DIP2B: variants seen among roughly 807,000 people sequenced by gnomAD.
DIP2B encodes disco-interacting protein 2 homolog B.
Under a neutral mutation model 198.0 loss-of-function variants are expected in DIP2B, and 76 were observed. That is an observed-to-expected ratio of 0.38 (90% CI 0.32 to 0.46). The LOEUF is 0.46. Ranked by LOEUF, DIP2B falls within the 20% of genes least tolerant of loss-of-function variation. The probability of loss-of-function intolerance (pLI) is 0.99; values close to 1 mark genes in which losing one functional copy is unlikely to be tolerated. For missense variants in DIP2B, 1,559 were observed against 1,978.4 expected (o/e 0.79, Z 4.02); for synonymous variants, 701 against 739.1 (o/e 0.95, Z 0.84).
At chr12:50,591,714 C>T (rs936275885) in intron 1 of DIP2B, among the ~76,000 whole-genome samples, 1 of 151,936 alleles carries the variant, frequency 6.6e-6, no homozygotes, top group African/African-American at 2.4e-5. Flanking sequence ...CCCACCTGGG[C>T]CTCCCAAAGT....
In DIP2B at chr12:50,595,927, G is replaced by T. The variant is rs895255292; in HGVS notation, c.101-30049G>T. 3.3e-5 allele frequency among the ~76,000 whole-genome samples: 5 copies of T among 152,162 alleles called. No homozygotes were observed. The South Asian group carries it at 8.3e-4, about 25-fold the overall frequency. The stretch of plus-strand genomic sequence containing the variant: ...TTGCCTTATCACCCTCAAGGAGTAG[G>T]ATTTCTTTGTACCTTTGTGATCTCC... On this transcript the variant is annotated intron_variant, in intron 1 of 37. Transcript: ENST00000301180.
At chr12:50,534,154 G>C (rs140809271) in intron 1 of DIP2B, among the ~76,000 whole-genome samples, 1 of 152,164 alleles carries the variant, frequency 6.6e-6, no homozygotes, top group East Asian at 1.9e-4. Flanking sequence ...AATAAAATAT[G>C]ACTTTATCAG....
At chr12:50,648,558 T>G (rs1428205309) in intron 3 of DIP2B, among the ~76,000 whole-genome samples, 1 of 152,062 alleles carries the variant, frequency 6.6e-6, no homozygotes, top group Non-Finnish European at 1.5e-5. Flanking sequence ...AGAGACGGGT[T>G]TTCACTGTGT....
chr12:50,686,108 A>G, intron 11 of DIP2B, 152 bp downstream of exon 11: 1 of 844,838 alleles, frequency 1.2e-6, no homozygotes. Context: ...TCCCCATTTT[A>G]CAAGTGAGGA....
At chr12:50,553,328 A>G (rs1958443006) in intron 1 of DIP2B, among the ~76,000 whole-genome samples, 1 of 152,130 alleles carries the variant, frequency 6.6e-6, no homozygotes, top group Non-Finnish European at 1.5e-5. Context: ...CTCTCCCAGT[A>G]TGTTGAAGTA....
At chr12:50,550,016 G>A (rs778717403) in intron 1 of DIP2B, among the ~76,000 whole-genome samples, 4 of 151,926 alleles carry the variant, frequency 2.6e-5, no homozygotes, top group Non-Finnish European at 5.9e-5. Flanking sequence ...TGATTTTCTA[G>A]GAGCTCTGGG....
intron 26 of DIP2B, among the ~76,000 whole-genome samples, chr12:50,722,253 GTTTATTTTATTTTAT>G (rs147287033): frequency 0.24 from 35,015 of 142,948 alleles, 4,777 homozygotes; most frequent in Non-Finnish European, 0.31. Context: ...TTGTTTGTTT[GTTTATTTTATTTTAT>G]TTTATTTTAT....
intron 1 of DIP2B, among the ~76,000 whole-genome samples, chr12:50,590,200 T>C (rs913619121): frequency 6.6e-6 from 1 of 151,880 alleles, no homozygotes; most frequent in Non-Finnish European, 1.5e-5. Flanking sequence ...GATCCCACTA[T>C]GTTGCCCAGG....
intron 1 of DIP2B, among the ~76,000 whole-genome samples, chr12:50,601,994 A>C (rs1958940950): frequency 6.6e-6 from 1 of 152,120 alleles, no homozygotes; most frequent in African/African-American, 2.4e-5. Context: ...GAGAGCAAAA[A>C]TTCTTTCTCA....
At position 50,695,802 on chromosome 12, in the gene DIP2B, C is replaced by T. The variant is rs752855138; in HGVS notation, c.1814-46C>T. ...TTTTATTGTGGTGTATTACATATGT[C>T]CCAAATTTATTGTGTATGTTAACTT... is the stretch of plus-strand genomic sequence containing the variant. On this transcript the variant is annotated intron_variant, in intron 15 of 37. Transcript: ENST00000301180. 60 of 1,607,578 alleles carry T rather than the reference C, an allele frequency of 3.7e-5. 1 individual carries two copies. In the Admixed American group the frequency reaches 1.0e-3, roughly 27 times the overall value.
chr12:50,629,468 C>T (rs1001103167), intron 2 of DIP2B, among the ~76,000 whole-genome samples: 2 of 152,174 alleles, frequency 1.3e-5, no homozygotes, highest in Admixed American at 1.3e-4. Context: ...TAATGTTGAG[C>T]TTGGTGGTCC....
chr12:50,707,312 G>A (rs1939531180), intron 21 of DIP2B, among the ~76,000 whole-genome samples: 2 of 152,200 alleles, frequency 1.3e-5, no homozygotes, highest in African/African-American at 2.4e-5. Context: ...TTTCTGAAAT[G>A]TATAGTTTTT....
At chr12:50,586,924 C>G (rs1392071696) in intron 1 of DIP2B, among the ~76,000 whole-genome samples, 1 of 151,980 alleles carries the variant, frequency 6.6e-6, no homozygotes, top group African/African-American at 2.4e-5. Flanking sequence ...CAAAATTTGC[C>G]CATATGAAAA....
rs750805189 is a variant in DIP2B at position 50,706,680 on chromosome 12, A to T, written c.2534+15A>T. Reference sequence around the variant, plus strand: ...TATAGAGGAAGGTGAGTAGTACAAAATTCAAATGTTAGCACCTTTTAATGG... The same window carrying T: ...TATAGAGGAAGGTGAGTAGTACAAATTTCAAATGTTAGCACCTTTTAATGG... On this transcript the variant is annotated intron_variant, in intron 21 of 37. Transcript: ENST00000301180. 5 of 1,613,406 alleles carry T rather than the reference A, an allele frequency of 3.1e-6. 1 individual carries two copies.
At chr12:50,505,904 G>T (rs942456157) in intron 1 of DIP2B, among the ~76,000 whole-genome samples, 2 of 151,846 alleles carry the variant, frequency 1.3e-5, no homozygotes, top group East Asian at 3.9e-4. Context: ...CGAATTTTCC[G>T]CATCTGGTCA....
intron 30 of DIP2B, among the ~76,000 whole-genome samples, chr12:50,729,643 A>G (rs1259720678): frequency 6.6e-6 from 1 of 152,146 alleles, no homozygotes; most frequent in Non-Finnish European, 1.5e-5. Context: ...AAACAAAAAA[A>G]AACATTGTGT....
At chr12:50,508,917 C>G (rs944462810) in intron 1 of DIP2B, among the ~76,000 whole-genome samples, 2 of 152,190 alleles carry the variant, frequency 1.3e-5, no homozygotes, top group Middle Eastern at 3.4e-3. Context: ...TCAGGTGGGT[C>G]TCGATCTCCC....
chr12:50,637,587 T>G (rs951045548), intron 2 of DIP2B, among the ~76,000 whole-genome samples: 2 of 152,220 alleles, frequency 1.3e-5, no homozygotes, highest in African/African-American at 4.8e-5. Flanking sequence ...CTTTTCCTCC[T>G]TAGCATGTAT....
intron 19 of DIP2B, among the ~76,000 whole-genome samples, chr12:50,700,126 T>C (rs1463142151): frequency 6.6e-6 from 1 of 152,204 alleles, no homozygotes; most frequent in African/African-American, 2.4e-5. Flanking sequence ...ATGTTCCAGA[T>C]GCTTGGGGTG....
Sources: gnomAD v4.1 joint callset for allele counts (sites outside exome capture counted in the v4.1 genomes callset) on GRCh38, gnomAD v4.1.1 for gene constraint, MANE v1.5 for transcripts, NCBI Gene and HGNC (gene_info 2026-07-23, HGNC 2026-07-21) for gene names.